RPS6KA2: variants seen among roughly 807,000 people sequenced by gnomAD.
RPS6KA2 encodes ribosomal protein S6 kinase alpha-2.
Under a neutral mutation model 91.8 loss-of-function variants are expected in RPS6KA2, and 42 were observed. The observed-to-expected ratio is 0.46, with a 90% CI of 0.36 to 0.59. RPS6KA2 has a LOEUF of 0.59. Among genes scored for constraint, RPS6KA2 ranks in the 20% least tolerant of loss-of-function variants. RPS6KA2 has a pLI of 0.00. For missense variants in RPS6KA2, 798 were observed against 978.5 expected (o/e 0.82, Z 2.46); for synonymous variants, 414 against 393.6 (o/e 1.05, Z -0.61).
At chr6:166,656,666 C>T (rs1788010976) in intron 2 of RPS6KA2, among the ~76,000 whole-genome samples, 3 of 152,350 alleles carry the variant, frequency 2.0e-5, no homozygotes, top group Middle Eastern at 3.4e-3. Flanking sequence ...CAGCTGAGGT[C>T]GCATTCATCC....
intron 2 of RPS6KA2, among the ~76,000 whole-genome samples, chr6:166,842,878 C>A (rs938044806): frequency 6.6e-6 from 1 of 152,138 alleles, no homozygotes; most frequent in Admixed American, 6.5e-5. Context: ...AGCAACATAC[C>A]AGGAAAGCCT....
At position 166,665,284 on chromosome 6, in the gene RPS6KA2, C is replaced by T. The variant is rs1051471699; in HGVS notation, c.124-126500G>A. Among the ~76,000 whole-genome samples, 21 of 151,944 alleles carry T rather than the reference C, an allele frequency of 1.4e-4. No individual in the cohort carries two copies. The highest frequency in any genetic ancestry group is 1.9e-4 in the East Asian group (1 of 5,168). ...CATGGTGTGACTTACAGGAGCACCC[C>T]GAGGTGTATAAGAGTGTCCCTAAAT... On this transcript the variant is annotated intron_variant, in intron 2 of 21. Coordinates refer to the RPS6KA2 transcript ENST00000503859. The surrounding 1 kb of genome is among the most constrained non-coding windows in gnomAD (Gnocchi z 4.5).
At chr6:166,651,897 G>A (rs1787864009) in intron 2 of RPS6KA2, among the ~76,000 whole-genome samples, 2 of 152,346 alleles carry the variant, frequency 1.3e-5, no homozygotes, top group South Asian at 4.1e-4. Flanking sequence ...ACGCACTGTG[G>A]ACGCACACTG....
At chr6:166,545,969 G>A (rs576543247) in intron 1 of RPS6KA2, among the ~76,000 whole-genome samples, 18 of 152,192 alleles carry the variant, frequency 1.2e-4, no homozygotes, top group East Asian at 3.9e-4. Context: ...CCATTCTGTC[G>A]GTGTGCTCAT....
Position 166,493,388 on chromosome 6 carries a change from G to A in RPS6KA2, c.748-2647C>T, listed in dbSNP as rs1034068713. On this transcript the variant is annotated intron_variant, in intron 8 of 20. Transcript: ENST00000265678. This position sits in a 1 kb window ranked among gnomAD's most constrained non-coding sequence, Gnocchi z 4.7. ...AGCTGCCCGGGAACTTTCCAGTGCC[G>A]AAGCATTACTGACTGAGGTTTTGCT... Among the ~76,000 whole-genome samples, 3 of 152,036 alleles carry A rather than the reference G, an allele frequency of 2.0e-5. No individual in the cohort carries two copies. Among genetic ancestry groups the A allele is most frequent in the South Asian group, 2.1e-4 (1 of 4,816 alleles).
intron 2 of RPS6KA2, among the ~76,000 whole-genome samples, chr6:166,768,600 C>G (rs62438719): frequency 0.25 from 37,877 of 151,824 alleles, 5,026 homozygotes; most frequent in Non-Finnish European, 0.27. Context: ...AAAATATGTA[C>G]AGAGAGAGGT....
At chr6:166,660,427 A>C (rs190758052) in intron 2 of RPS6KA2, among the ~76,000 whole-genome samples, 4 of 151,836 alleles carry the variant, frequency 2.6e-5, no homozygotes, top group Non-Finnish European at 4.4e-5. Flanking sequence ...TGTGTGAGAG[A>C]GAGAGAAGAA....
At position 166,662,229 on chromosome 6, in the gene RPS6KA2, AC is replaced by A. The variant is rs1396263516; in HGVS notation, c.124-123446del. Among the ~76,000 whole-genome samples the A allele has an allele frequency of 6.6e-6, 1 of 152,178 alleles. No individual in the cohort carries two copies. Among genetic ancestry groups the A allele is most frequent in the Non-Finnish European group, 1.5e-5 (1 of 68,030 alleles). On this transcript the variant is annotated intron_variant, in intron 2 of 21. Coordinates refer to the RPS6KA2 transcript ENST00000503859. This position sits in a 1 kb window ranked among gnomAD's most constrained non-coding sequence, Gnocchi z 4.3. ...AGGTGTTGAATTCTCTGCTTCATGT[AC>A]CTTTAATTCACTGGTATTCTTTTTT...
intron 2 of RPS6KA2, among the ~76,000 whole-genome samples, chr6:166,674,825 C>T (rs186997319): frequency 7.2e-4 from 109 of 152,260 alleles, no homozygotes; most frequent in African/African-American, 2.4e-3. Context: ...CCTGCCACCA[C>T]GCCCAGCTAA....
At chr6:166,736,073 G>C (rs893885061) in intron 2 of RPS6KA2, among the ~76,000 whole-genome samples, 2 of 152,210 alleles carry the variant, frequency 1.3e-5, no homozygotes, top group African/African-American at 4.8e-5. Flanking sequence ...TGATTTTCTA[G>C]TTATTTATCA....
At chr6:166,780,441 G>A (rs866075746) in intron 2 of RPS6KA2, among the ~76,000 whole-genome samples, 5 of 152,190 alleles carry the variant, frequency 3.3e-5, no homozygotes, top group African/African-American at 4.8e-5. Context: ...CAGCCCCAGC[G>A]GGAGCCAGGC....
intron 1 of RPS6KA2, among the ~76,000 whole-genome samples, chr6:166,614,796 C>T (rs1374489111): frequency 2.0e-5 from 3 of 152,164 alleles, no homozygotes; most frequent in Non-Finnish European, 1.5e-5. Context: ...CACACCCTTT[C>T]CCGCTTCTGC....
At chr6:166,632,627 A>T (rs1044461134) in intron 2 of RPS6KA2, among the ~76,000 whole-genome samples, 8 of 148,354 alleles carry the variant, frequency 5.4e-5, no homozygotes, top group African/African-American at 1.2e-4. Flanking sequence ...AAAAAAAAAA[A>T]TTTCTTTGTC....
intron 2 of RPS6KA2, among the ~76,000 whole-genome samples, chr6:166,843,200 T>C (rs562986506): frequency 1.3e-5 from 2 of 151,766 alleles, no homozygotes; most frequent in South Asian, 2.1e-4. Context: ...CACACCCCCA[T>C]CCCCCACAGC....
chr6:166,512,748 T>C (rs939983216), intron 3 of RPS6KA2, among the ~76,000 whole-genome samples: 1 of 152,166 alleles, frequency 6.6e-6, no homozygotes, highest in South Asian at 2.1e-4. Flanking sequence ...ATGAGATGGC[T>C]CCCCCTCCTG....
At chr6:166,561,415 A>G (rs1784339290) in intron 1 of RPS6KA2, among the ~76,000 whole-genome samples, 1 of 151,874 alleles carries the variant, frequency 6.6e-6, no homozygotes, top group Non-Finnish European at 1.5e-5. Flanking sequence ...TTCCCCGCCA[A>G]TGGGTTCCCT....
rs900527210 is a variant in RPS6KA2, at chr6:166,606,053, G to A, written c.99+20868C>T. Reference sequence around the variant, plus strand: ...AAGAGGGCAAAGGCAGCATAATGCCGCCCATGGTAGGACTGCGGGGCTGCA... The same window carrying A: ...AAGAGGGCAAAGGCAGCATAATGCCACCCATGGTAGGACTGCGGGGCTGCA... On this transcript the variant is annotated intron_variant, in intron 1 of 20. Coordinates refer to ENST00000265678, the MANE Select transcript of RPS6KA2 (RefSeq NM_021135.6). 8.5e-4 allele frequency among the ~76,000 whole-genome samples: 130 copies of A among 152,308 alleles called. 1 individual carries two copies. Among genetic ancestry groups the A allele is most frequent in the Admixed American group, 2.9e-3 (44 of 15,296 alleles).
rs543573758 is a variant in RPS6KA2 at position 166,670,551 on chromosome 6, G to A, written c.124-131767C>T. Reference sequence around the variant, plus strand: ...CTATTTCATTCTGAGTAACATGACTGCCACACTTTGAAGTGATTAGTCTTC... The same window carrying A: ...CTATTTCATTCTGAGTAACATGACTACCACACTTTGAAGTGATTAGTCTTC... On this transcript the variant is annotated intron_variant, in intron 2 of 21. Coordinates refer to the RPS6KA2 transcript ENST00000503859. 2.0e-5 allele frequency among the ~76,000 whole-genome samples: 3 copies of A among 152,280 alleles called. No individual in the cohort carries two copies. In the East Asian group the frequency reaches 5.8e-4, roughly 29 times the overall value.
intron 2 of RPS6KA2, among the ~76,000 whole-genome samples, chr6:166,724,175 A>ATG (rs758085720): frequency 1.3e-5 from 2 of 152,220 alleles, no homozygotes; most frequent in Admixed American, 1.3e-4. Flanking sequence ...TTAAGTGTGT[A>ATG]TGTGTGTGTG....
Sources: allele counts gnomAD v4.1 joint callset (sites outside exome capture counted in the v4.1 genomes callset), GRCh38; gene constraint gnomAD v4.1.1; non-coding constraint Gnocchi (gnomAD v3.1); transcripts MANE v1.5; gene names NCBI Gene and HGNC (gene_info 2026-07-23, HGNC 2026-07-21).